Variants in PCDHGB7 observed in about 807,000 individuals in gnomAD.
PCDHGB7 encodes the protein protocadherin gamma-B7.
In PCDHGB7, 37 loss-of-function variants were observed where a neutral mutation model predicts 61.4. That is an observed-to-expected ratio of 0.60 (90% CI 0.46 to 0.79). The LOEUF (loss-of-function observed/expected upper bound fraction) is 0.79. Among genes scored for constraint, PCDHGB7 ranks in the 30% least tolerant of loss-of-function variants. The probability of loss-of-function intolerance (pLI) is 0.00; values close to 1 mark genes in which losing one functional copy is unlikely to be tolerated. For synonymous variants in PCDHGB7, 464 were observed against 503.5 expected, an observed-to-expected ratio of 0.92 and a Z score of 1.05; for missense variants, 1,166 against 1,202.5, an observed-to-expected ratio of 0.97 and a Z score of 0.45.
At chr5:141,427,570 C>A in intron 1 of PCDHGB7, 1 of 662,270 alleles carries the variant, frequency 1.5e-6, no homozygotes, top group Non-Finnish European at 2.8e-6. Flanking sequence ...GGCAAGCCTC[C>A]GCTCTCATCC....
At chr5:141,439,151 C>T (rs563575567) in intron 1 of PCDHGB7, among the ~76,000 whole-genome samples, 1 of 150,892 alleles carries the variant, frequency 6.6e-6, no homozygotes, top group Admixed American at 6.6e-5. Context: ...TGAGATCACG[C>T]CACTGCACTC....
At chr5:141,467,178 A>C (rs1344437465) in intron 1 of PCDHGB7, among the ~76,000 whole-genome samples, 1 of 151,604 alleles carries the variant, frequency 6.6e-6, no homozygotes, top group Non-Finnish European at 1.5e-5. Flanking sequence ...TCAGCCTCCC[A>C]AGTAGCTGGG....
In PCDHGB7 at chr5:141,417,771, C is replaced by G; in HGVS notation, c.-89C>G. 1 of 1,456,488 alleles carries G rather than the reference C, an allele frequency of 6.9e-7. No homozygotes were observed. The highest frequency in any genetic ancestry group is 9.1e-7 in the Non-Finnish European group (1 of 1,102,008). The allele number at this position is 1,456,488 out of a possible 1,614,324, so 90.2% of individuals were successfully genotyped here. A position where few individuals can be genotyped will look rare whatever the true frequency, so the allele number is the denominator to read the frequency against. On this transcript the variant is annotated 5_prime_UTR_variant, in exon 1 of 4. Transcript: ENST00000398594. The stretch of plus-strand genomic sequence containing the variant: ...GCCAGCTCCGAGACCCGGGACTCCT[C>G]CTGTCCTGGGCCGAATGCTCTTTTA...
At chr5:141,435,447 A>C (rs2097764160) in intron 1 of PCDHGB7, among the ~76,000 whole-genome samples, 1 of 152,168 alleles carries the variant, frequency 6.6e-6, no homozygotes, top group Non-Finnish European at 1.5e-5. Context: ...CATTAATACG[A>C]TATCTGTATG....
intron 1 of PCDHGB7, among the ~76,000 whole-genome samples, chr5:141,433,837 CAA>C (rs56191208): frequency 1.4e-4 from 16 of 111,664 alleles, no homozygotes; most frequent in Non-Finnish European, 1.2e-4. Context: ...AACTCTATCT[CAA>C]AAAAAAAAAA....
intron 1 of PCDHGB7, among the ~76,000 whole-genome samples, chr5:141,434,491 C>CCCAGGGCAGAAAACTGCTTAA (rs1300377022): frequency 1.8e-4 from 27 of 152,302 alleles, no homozygotes; most frequent in Non-Finnish European, 3.4e-4. Context: ...ACCTGGCCCG[C>CCCAGGGCAGAAAACTGCTTAA]CCAGGGCAGA....
intron 2 of PCDHGB7, among the ~76,000 whole-genome samples, chr5:141,501,877 A>G (rs1267260445): frequency 1.3e-5 from 2 of 151,690 alleles, no homozygotes; most frequent in East Asian, 3.9e-4. Flanking sequence ...GCCTCCTTAC[A>G]CTCCTGATCA....
rs114740440 is a variant in PCDHGB7 at position 141,426,595 on chromosome 5, C to T, written c.2415+6321C>T. The T allele has an allele frequency of 4.0e-3, 1,518 of 375,912 alleles. 5 individuals carry two copies. Among genetic ancestry groups the T allele is most frequent in the Non-Finnish European group, 5.9e-3 (1,105 of 185,722 alleles). 23.3% of individuals were successfully genotyped at this position (375,912 alleles called of 1,614,324 possible). ...GTCTTCAAAATCCTCTGTGTCATAC[C>T]CTTAGAGATTGTAGCAGAGAATCCT... On this transcript the variant is annotated intron_variant, in intron 1 of 3. Coordinates refer to ENST00000398594, the MANE Select transcript of PCDHGB7 (RefSeq NM_018927.4).
At chr5:141,473,501 G>C (rs1053399138) in intron 1 of PCDHGB7, among the ~76,000 whole-genome samples, 7 of 152,188 alleles carry the variant, frequency 4.6e-5, no homozygotes, top group African/African-American at 1.7e-4. Context: ...GGTGTTCTGA[G>C]AGAGCATAAC....
At chr5:141,454,625 C>T (rs1193628253) in intron 1 of PCDHGB7, among the ~76,000 whole-genome samples, 2 of 151,512 alleles carry the variant, frequency 1.3e-5, no homozygotes, top group East Asian at 1.9e-4. Flanking sequence ...AGGCTGGTCT[C>T]GAACCCCCAA....
chr5:141,444,152 A>ATTTTTTTTT (rs747671382), intron 1 of PCDHGB7, among the ~76,000 whole-genome samples: 2 of 33,898 alleles, frequency 5.9e-5, no homozygotes, highest in Non-Finnish European at 5.2e-5. Context: ...TGTGTACTGG[A>ATTTTTTTTT]TTTTTTTTTT....
chr5:141,419,137 CAG>C lies in PCDHGB7; in HGVS notation c.1279_1280del (p.Arg427GlyfsTer17), dbSNP rs1561778402. On this transcript the variant is annotated frameshift_variant, in exon 1 of 4. Coordinates refer to ENST00000398594, the MANE Select transcript of PCDHGB7 (RefSeq NM_018927.4). LOFTEE classifies it high-confidence loss of function. ...EYNVTIAATDRGKPPLSSSKT... is the reference protein window; with the variant it reads ...EYNVTIAATDXGKPPLSSSKT... ...ACAACGTCACCATCGCAGCCACAGACAGGGGCAAGCCTCCGTTATCCTCCAGC... is the reference window on the plus strand; with the variant it reads ...ACAACGTCACCATCGCAGCCACAGACGGGCAAGCCTCCGTTATCCTCCAGC... 1.2e-6 allele frequency: 2 copies of C among 1,613,892 alleles called. No individual in the cohort carries two copies. Among genetic ancestry groups the C allele is most frequent in the South Asian group, 1.1e-5 (1 of 91,078 alleles).
At chr5:141,454,426 GAC>G (rs746508144) in intron 1 of PCDHGB7, among the ~76,000 whole-genome samples, 3 of 152,168 alleles carry the variant, frequency 2.0e-5, no homozygotes, top group Non-Finnish European at 2.9e-5. Context: ...TTTATTTAGA[GAC>G]AGAGTTTCAC....
intron 1 of PCDHGB7, among the ~76,000 whole-genome samples, chr5:141,436,491 T>G (rs546883133): frequency 6.6e-6 from 1 of 152,182 alleles, no homozygotes; most frequent in Non-Finnish European, 1.5e-5. Flanking sequence ...GATAGCAGCT[T>G]TGCAATTAGG....
chr5:141,485,003 A>G lies in PCDHGB7; in HGVS notation c.2416-9804A>G. On this transcript the variant is annotated intron_variant, in intron 1 of 3. Coordinates refer to ENST00000398594, the MANE Select transcript of PCDHGB7 (RefSeq NM_018927.4). The surrounding 1 kb of genome is among the most constrained non-coding windows in gnomAD (Gnocchi z 5.7). ...CAATCGGGTGGTGAAAGGCAGACAA[A>G]TCTACCCCGCCACCAGCAAAAACGG... 1 of 620,758 alleles carries G rather than the reference A, an allele frequency of 1.6e-6. No homozygotes were observed. The highest frequency in any genetic ancestry group is 2.0e-5 in the South Asian group (1 of 50,492). The allele number at this position is 620,758 out of a possible 1,614,324, so 38.5% of individuals were successfully genotyped here.
intron 1 of PCDHGB7, chr5:141,428,732 T>C (rs976924838): frequency 1.3e-5 from 2 of 159,284 alleles, no homozygotes; most frequent in African/African-American, 4.8e-5. Context: ...CTTAAACATA[T>C]TATATCTACT....
Position 141,431,363 on chromosome 5 carries a change from C to A in PCDHGB7, c.2415+11089C>A. ...ATTGGTGCTGAAACGCGCCCTGGAC[C>A]GCGAAGAAAAGGCTGCTCACCACCT... On this transcript the variant is annotated intron_variant, in intron 1 of 3. Transcript: ENST00000398594. The surrounding 1 kb of genome is among the most constrained non-coding windows in gnomAD (Gnocchi z 4.8). 1 of 1,614,024 alleles carries A rather than the reference C, an allele frequency of 6.2e-7. No homozygotes were observed. Among genetic ancestry groups the A allele is most frequent in the Non-Finnish European group, 8.5e-7 (1 of 1,180,028 alleles).
At chr5:141,492,063 C>T in intron 1 of PCDHGB7, 1 of 481,160 alleles carries the variant, frequency 2.1e-6, no homozygotes, top group African/African-American at 2.0e-5. Flanking sequence ...CAGCCAGCCT[C>T]CTAGGCGCCG....
chr5:141,433,228 C>G (rs2097577964), intron 1 of PCDHGB7: 7 of 1,522,184 alleles, frequency 4.6e-6, no homozygotes, highest in Non-Finnish European at 5.4e-6. Flanking sequence ...TTTAATTGCT[C>G]TGTCTCCCAA....
Sources: gnomAD v4.1 joint callset for allele counts (sites outside exome capture counted in the v4.1 genomes callset) on GRCh38, gnomAD v4.1.1 for gene constraint, Gnocchi (gnomAD v3.1) non-coding constraint, MANE v1.5 for transcripts, NCBI Gene and HGNC (gene_info 2026-07-23, HGNC 2026-07-21) for gene names.